NAT1: variants seen among roughly 807,000 people sequenced by gnomAD.
NAT1 encodes the protein N-acetyltransferase 1, also known as arylamine N-acetyltransferase 1.
For synonymous variants in NAT1, 144 were observed against 122.6 expected (o/e 1.17, Z -1.16); for missense variants, 400 against 339.2 (o/e 1.18, Z -1.41).
chr8:18,213,818 C>CTTT (rs768875808), intron 1 of NAT1, among the ~76,000 whole-genome samples: 1 of 142,932 alleles, frequency 7.0e-6, no homozygotes, highest in Non-Finnish European at 1.5e-5. Flanking sequence ...CGTCATATTT[C>CTTT]TTTTTTTTTT....
chr8:18,215,625 T>C (rs953420025), intron 1 of NAT1, among the ~76,000 whole-genome samples: 2 of 152,232 alleles, frequency 1.3e-5, no homozygotes, highest in East Asian at 3.8e-4. Context: ...TGTACAATTT[T>C]TTTTTTCAGT....
At chr8:18,184,104 G>C (rs932410837) in intron 2 of NAT1, among the ~76,000 whole-genome samples, 2 of 152,156 alleles carry the variant, frequency 1.3e-5, no homozygotes, top group Non-Finnish European at 2.9e-5. Flanking sequence ...GACTCTCTGT[G>C]GTGGCCCCAC....
chr8:18,193,107 C>T (rs1195084973), intron 2 of NAT1, among the ~76,000 whole-genome samples: 2 of 113,816 alleles, frequency 1.8e-5, no homozygotes, highest in Non-Finnish European at 3.3e-5. Context: ...GACAGGGTCT[C>T]TCAGTCTGTT....
upstream of NAT1, among the ~76,000 whole-genome samples, chr8:18,207,922 ATAC>A (rs1248243713): frequency 6.6e-6 from 1 of 152,238 alleles, no homozygotes; most frequent in Non-Finnish European, 1.5e-5. Context: ...AGACCATGGA[ATAC>A]TATGCAGCCA....
intron 2 of NAT1, among the ~76,000 whole-genome samples, chr8:18,197,500 G>A (rs1803284636): frequency 6.6e-6 from 1 of 152,134 alleles, no homozygotes; most frequent in Admixed American, 6.5e-5. Context: ...TCTAGTGGGT[G>A]AGACCAGGGA....
At chr8:18,196,802 T>C (rs1182483867) in intron 2 of NAT1, among the ~76,000 whole-genome samples, 1 of 152,206 alleles carries the variant, frequency 6.6e-6, no homozygotes, top group East Asian at 1.9e-4. Flanking sequence ...TTAAAGGATA[T>C]TTTAGAACTA....
intron 1 of NAT1, among the ~76,000 whole-genome samples, chr8:18,214,789 A>G (rs1187731089): frequency 6.6e-6 from 1 of 152,182 alleles, no homozygotes; most frequent in Non-Finnish European, 1.5e-5. Context: ...TCACCCAGGT[A>G]TTAAGCCTAC....
At chr8:18,173,175 C>T (rs971182345) in intron 2 of NAT1, among the ~76,000 whole-genome samples, 1 of 151,520 alleles carries the variant, frequency 6.6e-6, no homozygotes, top group Non-Finnish European at 1.5e-5. Context: ...CACACACACA[C>T]ACAATGATCA....
chr8:18,222,227 G>A lies in NAT1; in HGVS notation c.180G>A (p.Val60=). 1 of 1,614,096 alleles carries A rather than the reference G, an allele frequency of 6.2e-7. No homozygotes were observed. Among genetic ancestry groups the A allele is most frequent in the Admixed American group, 1.7e-5 (1 of 60,006 alleles). The change falls in exon 3 of 3, where the codon GTG becomes GTA. Residue 60 remains valine, a synonymous_variant. Coordinates refer to ENST00000307719, the MANE Select transcript of NAT1 (RefSeq NM_000662.8). ...TAGAGGCCATTTTTGATCAAGTTGT[G>A]AGAAGAAATCGGGGTGGATGGTGTC... is the stretch of plus-strand genomic sequence containing the variant. ...LGLEAIFDQV[V]RRNRGGWCLQ...
chr8:18,172,156 A>C (rs1802119799), intron 2 of NAT1, among the ~76,000 whole-genome samples: 1 of 152,168 alleles, frequency 6.6e-6, no homozygotes, highest in African/African-American at 2.4e-5. Flanking sequence ...GATTTATAAG[A>C]TTCTCCATTA....
Position 18,222,358 on chromosome 8 carries a change from G to T in NAT1, c.311G>T (p.Gly104Val), listed in dbSNP as rs765445123. Residue 104 changes from glycine (G) to valine (V), a missense_variant, in exon 3 of 3, where the codon GGC (glycine) becomes GTC (valine). Transcript: ENST00000307719. ...YSTPAKKYST[G>V]MIHLLLQVTI... is the part of the protein sequence containing the mutation. ...ACTCCAGCCAAAAAATACAGCACTG[G>T]CATGATTCACCTTCTCCTGCAGGTG... 6.2e-7 allele frequency: 1 copy of T among 1,614,090 alleles called. No homozygotes were observed. Among genetic ancestry groups the T allele is most frequent in the Admixed American group, 1.7e-5 (1 of 60,018 alleles).
chr8:18,219,898 G>A (rs1489948764), intron 2 of NAT1, among the ~76,000 whole-genome samples: 1 of 152,030 alleles, frequency 6.6e-6, no homozygotes, highest in Non-Finnish European at 1.5e-5. Context: ...AACAGAGAGG[G>A]TACAAGAGGC....
chr8:18,195,287 G>C (rs530694345), intron 2 of NAT1, among the ~76,000 whole-genome samples: 55 of 152,312 alleles, frequency 3.6e-4, no homozygotes, highest in African/African-American at 1.3e-3. Context: ...GAGTGAAGGA[G>C]GTAGAGGTCA....
chr8:18,178,600 T>C (rs1319231930), intron 2 of NAT1, among the ~76,000 whole-genome samples: 1 of 152,108 alleles, frequency 6.6e-6, no homozygotes, highest in Non-Finnish European at 1.5e-5. Flanking sequence ...ATGAATCAAG[T>C]TTTCCTAGTG....
chr8:18,194,084 T>C (rs182041100), intron 2 of NAT1, among the ~76,000 whole-genome samples: 50 of 152,306 alleles, frequency 3.3e-4, no homozygotes, highest in African/African-American at 1.2e-3. Flanking sequence ...GCCAGATCCT[T>C]ACTGGGGTAT....
chr8:18,183,134 A>C (rs887334192), intron 2 of NAT1, among the ~76,000 whole-genome samples: 1 of 152,312 alleles, frequency 6.6e-6, no homozygotes, highest in African/African-American at 2.4e-5. Flanking sequence ...AGAGGGGAGA[A>C]GAACGCTGAC....
intron 1 of NAT1, among the ~76,000 whole-genome samples, chr8:18,211,675 G>A (rs1804117515): frequency 6.6e-6 from 1 of 152,194 alleles, no homozygotes; most frequent in Non-Finnish European, 1.5e-5. Flanking sequence ...GTCTTTGGGT[G>A]CGGCTAGTCC....
At chr8:18,211,192 G>A (rs567557602) in intron 1 of NAT1, 1 of 152,334 alleles carries the variant, frequency 6.6e-6, no homozygotes, top group African/African-American at 2.4e-5. Flanking sequence ...TTCACCGTCA[G>A]ACCGAGAGCA....
intron 2 of NAT1, among the ~76,000 whole-genome samples, chr8:18,180,580 G>T: frequency 6.6e-6 from 1 of 152,118 alleles, no homozygotes; most frequent in East Asian, 1.9e-4. Context: ...AAATGAGTTT[G>T]AGTTCTATTG....
Sources: gnomAD v4.1 joint callset for allele counts (sites outside exome capture counted in the v4.1 genomes callset) on GRCh38, gnomAD v4.1.1 for gene constraint, MANE v1.5 for transcripts, NCBI Gene and HGNC (gene_info 2026-07-23, HGNC 2026-07-21) for gene names.